Variants in NLGN1 observed in about 807,000 individuals in gnomAD.
NLGN1 encodes the protein neuroligin 1.
In NLGN1, 12 loss-of-function variants were observed where a neutral mutation model predicts 65.5. That is an observed-to-expected ratio of 0.18 (90% CI 0.12 to 0.30). The LOEUF is 0.30. Among genes scored for constraint, NLGN1 ranks in the 10% least tolerant of loss-of-function variants. The pLI is 1.00. For synonymous variants in NLGN1, 350 were observed against 359.5 expected (o/e 0.97, Z 0.30); for missense variants, 750 against 1,007.1 (o/e 0.74, Z 3.46).
intron 2 of NLGN1, among the ~76,000 whole-genome samples, chr3:173,541,494 T>C (rs1394112710): frequency 1.3e-5 from 2 of 152,118 alleles, no homozygotes; most frequent in African/African-American, 4.8e-5. Context: ...GTGCATATTG[T>C]CTATGATTCA....
At chr3:174,286,287 A>C (rs1752106535) in exon 7 of NLGN1, 3 of 151,506 alleles carry the variant, frequency 2.0e-5, no homozygotes, top group South Asian at 4.1e-4. Context: ...CTTTATGGAA[A>C]GTCAAACCAA....
chr3:174,255,845 G>T (rs1249186126), intron 4 of NLGN1, among the ~76,000 whole-genome samples: 2 of 151,806 alleles, frequency 1.3e-5, no homozygotes, highest in Admixed American at 6.6e-5. Flanking sequence ...TTTTTATATA[G>T]ACGATGTTTT....
chr3:173,760,000 T>C (rs1421152978), intron 3 of NLGN1, among the ~76,000 whole-genome samples: 2 of 151,938 alleles, frequency 1.3e-5, no homozygotes, highest in African/African-American at 2.4e-5. Context: ...AATTAGACCA[T>C]CCTTTTCAAA....
intron 2 of NLGN1, among the ~76,000 whole-genome samples, chr3:173,465,823 A>T (rs1724251331): frequency 6.6e-6 from 1 of 152,336 alleles, no homozygotes; most frequent in Admixed American, 6.5e-5. Flanking sequence ...GTGAGAAAGA[A>T]GTTTCAAGAA....
chr3:173,473,717 A>G (rs570428463), intron 2 of NLGN1, among the ~76,000 whole-genome samples: 1 of 152,314 alleles, frequency 6.6e-6, no homozygotes, highest in Non-Finnish European at 1.5e-5. Context: ...ATTGTGCAGT[A>G]ATTTCTGGTG....
intron 3 of NLGN1, among the ~76,000 whole-genome samples, chr3:173,723,796 G>A (rs1375364272): frequency 6.6e-6 from 1 of 152,142 alleles, no homozygotes; most frequent in East Asian, 1.9e-4. Flanking sequence ...TAGACTGACT[G>A]AAATGCACAA....
intron 4 of NLGN1, among the ~76,000 whole-genome samples, chr3:174,144,975 C>T (rs141039583): frequency 0.085 from 12,939 of 152,094 alleles, 1,498 homozygotes; most frequent in African/African-American, 0.25. Flanking sequence ...GAAGTCTTTG[C>T]CCATGCCTAT....
chr3:173,975,140 CACT>C (rs1717143646), intron 4 of NLGN1, among the ~76,000 whole-genome samples: 1 of 152,042 alleles, frequency 6.6e-6, no homozygotes, highest in Non-Finnish European at 1.5e-5. Context: ...TGCACGTTTA[CACT>C]TACAGTTGTC....
At chr3:173,581,028 T>G (rs1437284461) in intron 2 of NLGN1, among the ~76,000 whole-genome samples, 1 of 151,978 alleles carries the variant, frequency 6.6e-6, no homozygotes, top group Non-Finnish European at 1.5e-5. Flanking sequence ...TACATCTGCT[T>G]CTTCTCCCTT....
intron 4 of NLGN1, among the ~76,000 whole-genome samples, chr3:173,878,142 A>C (rs2150907938): frequency 6.6e-6 from 1 of 152,176 alleles, no homozygotes; most frequent in East Asian, 1.9e-4. Flanking sequence ...CCCGGGTTCA[A>C]GCGATTCTCC....
At chr3:174,150,867 A>C (rs1349334830) in intron 4 of NLGN1, among the ~76,000 whole-genome samples, 2 of 152,066 alleles carry the variant, frequency 1.3e-5, no homozygotes, top group African/African-American at 4.8e-5. Flanking sequence ...CCTAAACAAA[A>C]ATTAGTCCTG....
chr3:173,754,067 A>C, intron 3 of NLGN1, among the ~76,000 whole-genome samples: 1 of 133,656 alleles, frequency 7.5e-6, no homozygotes, highest in African/African-American at 2.8e-5. Flanking sequence ...TTGTTGAGAC[A>C]GGGTCTCACT....
At chr3:173,730,362 G>T (rs1277049029) in intron 3 of NLGN1, among the ~76,000 whole-genome samples, 4 of 137,170 alleles carry the variant, frequency 2.9e-5, no homozygotes, top group Admixed American at 1.7e-4. Context: ...CTACAAATTT[G>T]CACCACATAT....
In NLGN1 at chr3:173,932,506, TAA is replaced by T. The variant is rs35391510; in HGVS notation, c.646+124688_646+124689del. On this transcript the variant is annotated intron_variant, in intron 4 of 6. Coordinates refer to ENST00000457714, the Ensembl canonical transcript of NLGN1. ...AGAGAGAAAGGAGGTGCACATTATT[TAA>T]AAAAAAAAAAAAAGTGTGGTAGGAT... Among the ~76,000 whole-genome samples the T allele has an allele frequency of 3.7e-3, 526 of 142,076 alleles. 1 individual carries two copies. Among genetic ancestry groups the T allele is most frequent in the African/African-American group, 0.011 (443 of 39,158 alleles). 93.2% of individuals were successfully genotyped at this position (142,076 alleles called of 152,430 possible).
At chr3:173,891,693 G>A (rs1272140161) in intron 4 of NLGN1, among the ~76,000 whole-genome samples, 2 of 152,094 alleles carry the variant, frequency 1.3e-5, no homozygotes, top group Non-Finnish European at 2.9e-5. Flanking sequence ...GGATATGAGC[G>A]GCCACTGCTG....
At chr3:173,538,682 G>C (rs1737871788) in intron 2 of NLGN1, among the ~76,000 whole-genome samples, 1 of 152,138 alleles carries the variant, frequency 6.6e-6, no homozygotes, top group Non-Finnish European at 1.5e-5. Flanking sequence ...ATCAGTGATG[G>C]CTCTAGCCAG....
intron 4 of NLGN1, among the ~76,000 whole-genome samples, chr3:174,043,415 A>T (rs773688793): frequency 1.3e-5 from 2 of 152,214 alleles, no homozygotes; most frequent in African/African-American, 2.4e-5. Flanking sequence ...TGAGCCTGCA[A>T]CATCAAAATC....
intron 3 of NLGN1, among the ~76,000 whole-genome samples, chr3:173,635,369 T>A (rs1376730280): frequency 2.6e-5 from 4 of 152,162 alleles, no homozygotes; most frequent in African/African-American, 7.2e-5. Flanking sequence ...TTAATTCTCA[T>A]TGGTTCTCAA....
chr3:173,418,172 TAGA>T (rs1054936457), intron 1 of NLGN1, among the ~76,000 whole-genome samples: 8 of 138,934 alleles, frequency 5.8e-5, no homozygotes, highest in African/African-American at 1.7e-4. Flanking sequence ...TGTGAAATAT[TAGA>T]AGGCATAATT....
Sources: gnomAD v4.1 joint callset for allele counts (sites outside exome capture counted in the v4.1 genomes callset) on GRCh38, gnomAD v4.1.1 for gene constraint, MANE v1.5 for transcripts, NCBI Gene and HGNC (gene_info 2026-07-23, HGNC 2026-07-21) for gene names.